CLEC16A: variants seen among roughly 807,000 people sequenced by gnomAD.
CLEC16A encodes the protein protein CLEC16A.
A neutral mutation model predicts 109.5 loss-of-function variants in CLEC16A; 51 were observed. The ratio of observed to expected loss-of-function variants is 0.47; its 90% CI spans 0.37 to 0.59. The LOEUF (loss-of-function observed/expected upper bound fraction) is 0.59. Ranked by LOEUF, CLEC16A falls within the 20% of genes least tolerant of loss-of-function variation. The pLI is 0.00. For missense variants in CLEC16A, 1,339 were observed against 1,394.0 expected (o/e 0.96, Z 0.63); for synonymous variants, 673 against 564.2 (o/e 1.19, Z -2.73).
intron 22 of CLEC16A, among the ~76,000 whole-genome samples, chr16:11,165,329 C>CAA (rs35212528): frequency 2.5e-4 from 36 of 141,982 alleles, no homozygotes; most frequent in African/African-American, 8.0e-4. Flanking sequence ...CCATCTCTAC[C>CAA]AAAAAAAAAA....
intron 19 of CLEC16A, among the ~76,000 whole-genome samples, chr16:11,091,655 C>T (rs1256172749): frequency 6.6e-6 from 1 of 152,162 alleles, no homozygotes; most frequent in African/African-American, 2.4e-5. Context: ...GTGACCTCAG[C>T]ACATGGCTTA....
chr16:11,117,449 C>A (rs2052080395), intron 19 of CLEC16A, among the ~76,000 whole-genome samples: 1 of 152,034 alleles, frequency 6.6e-6, no homozygotes, highest in Non-Finnish European at 1.5e-5. Flanking sequence ...TTAAAACATA[C>A]AAAACTCTTG....
At chr16:11,015,913 C>T (rs1303427489) in intron 11 of CLEC16A, among the ~76,000 whole-genome samples, 1 of 152,208 alleles carries the variant, frequency 6.6e-6, no homozygotes, top group Non-Finnish European at 1.5e-5. Context: ...TCCTCTGCCT[C>T]ATGGGGCAGA....
chr16:10,985,020 T>C (rs2043543159), intron 10 of CLEC16A, among the ~76,000 whole-genome samples: 1 of 151,712 alleles, frequency 6.6e-6, no homozygotes, highest in Admixed American at 6.6e-5. Context: ...GCTAACACGG[T>C]GAAACCCCGT....
intron 18 of CLEC16A, among the ~76,000 whole-genome samples, chr16:11,052,976 C>T (rs1198631762): frequency 3.9e-5 from 6 of 152,060 alleles, no homozygotes; most frequent in Non-Finnish European, 8.8e-5. Context: ...TCACTGCAGC[C>T]TCAAACTCCT....
chr16:11,147,107 G>C lies in CLEC16A; in HGVS notation c.2642-19281G>C, dbSNP rs534025615. Among the ~76,000 whole-genome samples the C allele has an allele frequency of 1.5e-4, 23 of 152,098 alleles. No homozygotes were observed. In the South Asian group the frequency reaches 4.6e-3, roughly 30 times the overall value. Reference sequence around the variant, plus strand: ...TGTGTCCCAGACAGGGGCTGCCATAGACAGGAGAGCATTGATGTCTCAGCC... The same window carrying C: ...TGTGTCCCAGACAGGGGCTGCCATACACAGGAGAGCATTGATGTCTCAGCC... On this transcript the variant is annotated intron_variant, in intron 22 of 23. Transcript: ENST00000409790.
At chr16:10,951,135 C>CA (rs2041709327) in intron 1 of CLEC16A, among the ~76,000 whole-genome samples, 1 of 152,212 alleles carries the variant, frequency 6.6e-6, no homozygotes, top group Non-Finnish European at 1.5e-5. Flanking sequence ...CGTCTGTCAT[C>CA]CTTGGTGATG....
At chr16:11,023,382 A>G (rs1440994406) in intron 12 of CLEC16A, among the ~76,000 whole-genome samples, 1 of 152,202 alleles carries the variant, frequency 6.6e-6, no homozygotes, top group Non-Finnish European at 1.5e-5. Flanking sequence ...CTGATTTACA[A>G]GAAAATGTTA....
At chr16:11,175,534 G>A (rs1237431102) in intron 23 of CLEC16A, among the ~76,000 whole-genome samples, 1 of 152,172 alleles carries the variant, frequency 6.6e-6, no homozygotes, top group African/African-American at 2.4e-5. Flanking sequence ...ATGAAAACCT[G>A]GCAGAGTTCT....
At chr16:11,127,734 G>C (rs183148353) in intron 22 of CLEC16A, among the ~76,000 whole-genome samples, 1 of 152,180 alleles carries the variant, frequency 6.6e-6, no homozygotes, top group East Asian at 1.9e-4. Context: ...CAGGCATGGT[G>C]GTGGGCACCT....
At chr16:11,010,985 C>T (rs2045374401) in intron 11 of CLEC16A, among the ~76,000 whole-genome samples, 1 of 152,204 alleles carries the variant, frequency 6.6e-6, no homozygotes, top group Non-Finnish European at 1.5e-5. Flanking sequence ...TGATGTCATG[C>T]ACTTCTCAGG....
In CLEC16A at chr16:11,024,874, A is replaced by G. The variant is rs769941408; in HGVS notation, c.1490A>G (p.His497Arg). Residue 497 changes from histidine to arginine, a missense_variant, in exon 13 of 24, where the codon CAT (histidine) becomes CGT (arginine). His to Arg is a conservative substitution (Grantham distance 29, BLOSUM62 0). Transcript: ENST00000409790. ...HALDSPDDDY[H>R]ALFVLCLLYA... ...CTGGACAGCCCGGATGATGATTACC[A>G]TGCCCTGTTCGTGCTCTGCCTCCTC... 8.1e-6 allele frequency: 13 copies of G among 1,610,196 alleles called. No homozygotes were observed. The highest frequency in any genetic ancestry group is 6.7e-5 in the East Asian group (3 of 44,826).
chr16:10,958,679 G>C lies in CLEC16A; in HGVS notation c.209+769G>C, dbSNP rs1041222444. On this transcript the variant is annotated intron_variant, in intron 2 of 23. Coordinates refer to ENST00000409790, the MANE Select transcript of CLEC16A (RefSeq NM_015226.3). ...AGCACTTTGGGAGGCTGAGGCAGGA[G>C]GATCGCTTGAGCCCAGGAGTTTGAG... 2.0e-5 allele frequency among the ~76,000 whole-genome samples: 3 copies of C among 152,292 alleles called. 1 individual carries two copies. Among genetic ancestry groups the C allele is most frequent in the Middle Eastern group, 6.8e-3 (2 of 294 alleles).
At chr16:11,131,040 T>A (rs932500760) in intron 22 of CLEC16A, among the ~76,000 whole-genome samples, 1 of 150,934 alleles carries the variant, frequency 6.6e-6, no homozygotes, top group African/African-American at 2.5e-5. Flanking sequence ...AAAAAAAAAA[T>A]CACAAGTTCT....
chr16:11,096,131 C>T (rs1186289004), intron 19 of CLEC16A, among the ~76,000 whole-genome samples: 2 of 151,788 alleles, frequency 1.3e-5, no homozygotes. Context: ...TCACTTGAGC[C>T]CAGGAGTTGG....
intron 23 of CLEC16A, among the ~76,000 whole-genome samples, chr16:11,175,618 C>T (rs2068718722): frequency 6.6e-6 from 1 of 152,178 alleles, no homozygotes. Flanking sequence ...ACAACAAGGC[C>T]ATGTCATAGG....
chr16:11,039,985 G>T, intron 14 of CLEC16A, 109 bp downstream of exon 14: 1 of 1,366,782 alleles, frequency 7.3e-7, no homozygotes. Context: ...GAGAATCCGG[G>T]CCCATCCCAA....
chr16:11,065,987 A>G (rs1482938861), intron 19 of CLEC16A, among the ~76,000 whole-genome samples: 1 of 152,150 alleles, frequency 6.6e-6, no homozygotes, highest in African/African-American at 2.4e-5. Context: ...ACGGTCCCAG[A>G]AGGGGCCTTC....
At chr16:11,155,344 C>A (rs948847504) in intron 22 of CLEC16A, among the ~76,000 whole-genome samples, 1 of 152,178 alleles carries the variant, frequency 6.6e-6, no homozygotes, top group Non-Finnish European at 1.5e-5. Flanking sequence ...GAACAGGTCC[C>A]CTGCTGTCAC....
Sources: allele counts gnomAD v4.1 joint callset (sites outside exome capture counted in the v4.1 genomes callset), GRCh38; gene constraint gnomAD v4.1.1; transcripts MANE v1.5; gene names NCBI Gene and HGNC (gene_info 2026-07-23, HGNC 2026-07-21).